Variants in MARCHF1 observed in about 807,000 individuals in gnomAD.
MARCHF1 encodes membrane associated ring-CH-type finger 1.
A neutral mutation model predicts 54.2 loss-of-function variants in MARCHF1; 40 were observed. The observed-to-expected ratio is 0.74, with a 90% CI of 0.57 to 0.96. The LOEUF is 0.96. MARCHF1 is among the 40% of genes least tolerant of loss of function. The pLI, the probability that MARCHF1 is intolerant of heterozygous loss-of-function variation, is 0.00. For missense variants in MARCHF1, 586 were observed against 656.5 expected (o/e 0.89, Z 1.17); for synonymous variants, 236 against 236.3 (o/e 1.00, Z 0.01).
At chr4:164,232,625 G>T (rs1181331118) in intron 1 of MARCHF1, among the ~76,000 whole-genome samples, 1 of 152,004 alleles carries the variant, frequency 6.6e-6, no homozygotes, top group Non-Finnish European at 1.5e-5. Context: ...TTCACATGTG[G>T]TTATTCCTTT....
chr4:164,021,592 C>A (rs1377501074), intron 2 of MARCHF1, among the ~76,000 whole-genome samples: 1 of 5,760 alleles, frequency 1.7e-4, no homozygotes, highest in Non-Finnish European at 6.0e-3. Context: ...ATATTTTCTC[C>A]TAAGTCCTTC....
At position 163,529,042 on chromosome 4, in the gene MARCHF1, G is replaced by C. The variant is rs1428764148; in HGVS notation, c.1344C>G (p.Val448=). 6.2e-7 allele frequency: 1 copy of C among 1,602,038 alleles called. No homozygotes were observed. Among genetic ancestry groups the C allele is most frequent in the Admixed American group, 1.7e-5 (1 of 58,998 alleles). ...GTTTTGTCCAAAATGGCCATTCAAG[G>C]ACACCTTTGAAATGAAAAAGAGAAA... is the stretch of plus-strand genomic sequence containing the variant. ...EEIKQGNDNG[V]LEWPFWTKLV... Residue 448 remains valine (V), a synonymous_variant, in exon 10 of 10, where the codon GTC becomes GTG. Coordinates refer to ENST00000514618, the MANE Select transcript of MARCHF1 (RefSeq NM_001394959.1).
intron 4 of MARCHF1, among the ~76,000 whole-genome samples, chr4:163,848,721 T>C (rs1198817550): frequency 6.6e-6 from 1 of 152,178 alleles, no homozygotes; most frequent in Admixed American, 6.6e-5. Context: ...TTCCCGCCCT[T>C]AGGTTACAAT....
intron 5 of MARCHF1, among the ~76,000 whole-genome samples, chr4:163,668,126 G>T (rs1743606774): frequency 6.6e-6 from 1 of 152,136 alleles, no homozygotes; most frequent in South Asian, 2.1e-4. Context: ...AACTGATCAT[G>T]ATACAGTTAT....
chr4:163,596,419 A>G (rs1420788110), intron 7 of MARCHF1, among the ~76,000 whole-genome samples: 1 of 151,864 alleles, frequency 6.6e-6, no homozygotes, highest in Non-Finnish European at 1.5e-5. Context: ...ATGTGCCTGT[A>G]ATCCCAGTTG....
chr4:163,533,079 T>C (rs529168842), intron 9 of MARCHF1, among the ~76,000 whole-genome samples: 1 of 152,146 alleles, frequency 6.6e-6, no homozygotes, highest in African/African-American at 2.4e-5. Context: ...TTTATTCATA[T>C]ATTTGTTCAA....
intron 1 of MARCHF1, among the ~76,000 whole-genome samples, chr4:164,220,289 T>TATATATATATGAATATATATAGGAATTC (rs759700019): frequency 1.7e-4 from 16 of 96,880 alleles, no homozygotes; most frequent in African/African-American, 6.8e-4. Flanking sequence ...ATGGAATTCA[T>TATATATATATGAATATATATAGGAATTC]ATATATATAT....
At chr4:164,115,639 A>C (rs1348052800) in intron 1 of MARCHF1, among the ~76,000 whole-genome samples, 1 of 149,176 alleles carries the variant, frequency 6.7e-6, no homozygotes, top group African/African-American at 2.5e-5. Flanking sequence ...TTTGAATAAA[A>C]GAAATGCTAA....
At chr4:164,237,463 T>C (rs576912908) in intron 1 of MARCHF1, among the ~76,000 whole-genome samples, 9 of 152,200 alleles carry the variant, frequency 5.9e-5, no homozygotes, top group African/African-American at 2.2e-4. Flanking sequence ...TCTGTAGGTG[T>C]TTTTAAAGAC....
intron 1 of MARCHF1, among the ~76,000 whole-genome samples, chr4:164,198,505 A>C (rs1731346784): frequency 6.6e-6 from 1 of 152,248 alleles, no homozygotes; most frequent in African/African-American, 2.4e-5. Flanking sequence ...GATGGTTTTC[A>C]GCAGGTACTA....
chr4:163,972,039 TC>T (rs1379393044), intron 3 of MARCHF1, among the ~76,000 whole-genome samples: 1 of 152,342 alleles, frequency 6.6e-6, no homozygotes, highest in East Asian at 1.9e-4. Flanking sequence ...TGAGTTCATG[TC>T]CTTTGCAGGG....
chr4:164,084,200 A>G (rs1755152464), intron 2 of MARCHF1, among the ~76,000 whole-genome samples: 1 of 151,968 alleles, frequency 6.6e-6, no homozygotes, highest in Admixed American at 6.6e-5. Flanking sequence ...TTTTTCTCCT[A>G]TCAAATTTTT....
intron 3 of MARCHF1, among the ~76,000 whole-genome samples, chr4:163,897,946 A>T (rs1313187933): frequency 1.3e-5 from 2 of 151,058 alleles, no homozygotes; most frequent in African/African-American, 4.9e-5. Context: ...CTGTAGTCCC[A>T]GCTACTTGGG....
At chr4:164,075,971 C>A (rs1469300190) in intron 2 of MARCHF1, among the ~76,000 whole-genome samples, 1 of 152,122 alleles carries the variant, frequency 6.6e-6, no homozygotes. Flanking sequence ...AAATTCATGT[C>A]AACAGGATGA....
At chr4:164,256,469 G>T (rs1437722894) in intron 1 of MARCHF1, among the ~76,000 whole-genome samples, 5 of 144,978 alleles carry the variant, frequency 3.4e-5, no homozygotes, top group South Asian at 2.2e-4. Context: ...AAAAGAAAAA[G>T]AAAGATTATA....
intron 3 of MARCHF1, among the ~76,000 whole-genome samples, chr4:163,854,914 C>T (rs922097007): frequency 1.3e-5 from 2 of 152,140 alleles, no homozygotes; most frequent in Non-Finnish European, 2.9e-5. Context: ...TAAAGTTTTA[C>T]AGCCTACTTT....
chr4:164,139,600 A>T (rs1756477767), intron 1 of MARCHF1, among the ~76,000 whole-genome samples: 2 of 152,048 alleles, frequency 1.3e-5, no homozygotes. Flanking sequence ...GCCAGAAATG[A>T]CCTGTGGTAT....
chr4:163,847,102 C>T (rs1749504158), intron 4 of MARCHF1, among the ~76,000 whole-genome samples: 1 of 152,038 alleles, frequency 6.6e-6, no homozygotes, highest in Admixed American at 6.6e-5. Flanking sequence ...AATTGAATGG[C>T]CTATGAGTAA....
chr4:163,729,878 A>T (rs1745777356), intron 4 of MARCHF1, among the ~76,000 whole-genome samples: 1 of 152,108 alleles, frequency 6.6e-6, no homozygotes, highest in Admixed American at 6.5e-5. Context: ...GGGAAGTTTG[A>T]TTATAATGTG....
Sources: gnomAD v4.1 joint callset for allele counts (sites outside exome capture counted in the v4.1 genomes callset) on GRCh38, gnomAD v4.1.1 for gene constraint, MANE v1.5 for transcripts, NCBI Gene and HGNC (gene_info 2026-07-23, HGNC 2026-07-21) for gene names.